Variants in RAP1GAP2 observed in about 807,000 individuals in gnomAD.
RAP1GAP2 encodes rap1 GTPase-activating protein 2.
RAP1GAP2 carries 27 observed loss-of-function variants against 95.0 expected under a neutral mutation model. That is an observed-to-expected ratio of 0.28 (90% CI 0.21 to 0.39). The LOEUF is 0.39. Among genes scored for constraint, RAP1GAP2 ranks in the 10% least tolerant of loss-of-function variants. RAP1GAP2 has a pLI of 1.00. For missense variants in RAP1GAP2, 771 were observed against 970.0 expected, an observed-to-expected ratio of 0.79 and a Z score of 2.72; for synonymous variants, 373 against 380.9, an observed-to-expected ratio of 0.98 and a Z score of 0.24.
rs573327001 is a variant in RAP1GAP2, at chr17:2,763,934, A to C, written c.51-6395A>C. Among the ~76,000 whole-genome samples the C allele has an allele frequency of 3.0e-4, 45 of 151,892 alleles. No homozygotes were observed. In the South Asian group the frequency reaches 6.2e-3, roughly 21 times the overall value. ...TGGGGACCTGTGTGTGCCCGGTGGGATCAAGGACAGCATGATGTGATGTGT... is the reference window on the plus strand; with the variant it reads ...TGGGGACCTGTGTGTGCCCGGTGGGCTCAAGGACAGCATGATGTGATGTGT... On this transcript the variant is annotated intron_variant, in intron 1 of 25. Transcript: ENST00000637138.
intron 3 of RAP1GAP2, among the ~76,000 whole-genome samples, chr17:2,944,161 C>CAAAAAAAAAAAAAAAAAAAAAA (rs36063732): frequency 2.4e-5 from 2 of 81,804 alleles, no homozygotes; most frequent in Non-Finnish European, 2.5e-5. Context: ...ACAGCAAAAC[C>CAAAAAAAAAAAAAAAAAAAAAA]AAAAAAAAAA....
At chr17:2,890,912 C>T (rs1346608093) in intron 2 of RAP1GAP2, among the ~76,000 whole-genome samples, 3 of 152,012 alleles carry the variant, frequency 2.0e-5, no homozygotes, top group African/African-American at 7.2e-5. Flanking sequence ...TCTCGATCTC[C>T]TGACCTCTAG....
chr17:2,781,870 GT>G (rs2068667577), intron 1 of RAP1GAP2, among the ~76,000 whole-genome samples: 1 of 151,642 alleles, frequency 6.6e-6, no homozygotes, highest in East Asian at 1.9e-4. Context: ...GTCTCTGTGT[GT>G]GCACGTCTCT....
At chr17:2,992,992 C>CTT (rs1356738456) in intron 12 of RAP1GAP2, among the ~76,000 whole-genome samples, 5 of 147,994 alleles carry the variant, frequency 3.4e-5, no homozygotes, top group African/African-American at 1.3e-4. Context: ...GGGTGGATCA[C>CTT]GAGGTCAGGA....
chr17:2,954,616 G>A (rs542424017), intron 3 of RAP1GAP2, among the ~76,000 whole-genome samples: 2 of 151,360 alleles, frequency 1.3e-5, no homozygotes, highest in South Asian at 4.2e-4. Context: ...TTTACTGAGA[G>A]GCAGTCTTGC....
At chr17:3,012,605 CAAAAAAAAAAAAA>C (rs71377567) in intron 17 of RAP1GAP2, among the ~76,000 whole-genome samples, 1 of 69,712 alleles carries the variant, frequency 1.4e-5, no homozygotes, top group South Asian at 7.3e-4. Flanking sequence ...GACTGTGTCT[CAAAAAAAAAAAAA>C]AAAAAAAAAA....
At chr17:2,863,635 G>A (rs1434048749) in intron 2 of RAP1GAP2, among the ~76,000 whole-genome samples, 1 of 152,172 alleles carries the variant, frequency 6.6e-6, no homozygotes, top group East Asian at 1.9e-4. Flanking sequence ...GCAGGATCAG[G>A]GCACTGTGAT....
rs547308142 is a variant in RAP1GAP2, at chr17:2,925,531, C to T, written c.165+20163C>T. On this transcript the variant is annotated intron_variant, in intron 3 of 24. Transcript: ENST00000254695. ...AACAGCGTGGGGAAAACCGCTCCCT[C>T]GCTCCACTCGTGGGGATTACAGTTC... 1.9e-3 allele frequency among the ~76,000 whole-genome samples: 295 copies of T among 152,280 alleles called. 1 individual carries two copies. Among genetic ancestry groups the T allele is most frequent in the Middle Eastern group, 0.014 (4 of 294 alleles).
chr17:2,876,030 C>T lies in RAP1GAP2; in HGVS notation c.81-29254C>T, dbSNP rs566456093. Among the ~76,000 whole-genome samples, 946 of 151,950 alleles carry T rather than the reference C, an allele frequency of 6.2e-3. 13 individuals are homozygous for T. Among genetic ancestry groups the T allele is most frequent in the African/African-American group, 0.021 (863 of 41,416 alleles). The stretch of plus-strand genomic sequence containing the variant: ...TCGGCTCACCACAATCTCCGCCCCC[C>T]GGGTTCACGCCATTCTCCTGCCTCA... On this transcript the variant is annotated intron_variant, in intron 2 of 24. Coordinates refer to ENST00000254695, the MANE Select transcript of RAP1GAP2 (RefSeq NM_015085.5).
intron 3 of RAP1GAP2, among the ~76,000 whole-genome samples, chr17:2,922,987 T>TGGAGTA: frequency 6.6e-6 from 1 of 151,430 alleles, no homozygotes; most frequent in Non-Finnish European, 1.5e-5. Flanking sequence ...CCAGCGATTC[T>TGGAGTA]CCTGCCTCAG....
At position 2,825,669 on chromosome 17, in the gene RAP1GAP2, T is replaced by C. The variant is rs954417358; in HGVS notation, c.80+25119T>C. Among the ~76,000 whole-genome samples, 1 of 152,062 alleles carries C rather than the reference T, an allele frequency of 6.6e-6. No homozygotes were observed. The highest frequency in any genetic ancestry group is 1.5e-5 in the Non-Finnish European group (1 of 68,018). ...CTCACAGGGATGTTTGAGGATGAAATGAGCTAACATAGGAAAAGCACTTAG... is the reference window on the plus strand; with the variant it reads ...CTCACAGGGATGTTTGAGGATGAAACGAGCTAACATAGGAAAAGCACTTAG... On this transcript the variant is annotated intron_variant, in intron 2 of 24. Coordinates refer to ENST00000254695, the MANE Select transcript of RAP1GAP2 (RefSeq NM_015085.5). The surrounding 1 kb of genome is among the most constrained non-coding windows in gnomAD (Gnocchi z 4.1).
chr17:2,926,428 TACA>T (rs931853154), intron 3 of RAP1GAP2, among the ~76,000 whole-genome samples: 2 of 152,164 alleles, frequency 1.3e-5, no homozygotes, highest in African/African-American at 4.8e-5. Flanking sequence ...TCAAGGCAGT[TACA>T]ACAATAAAGC....
rs1049019457 is a variant in RAP1GAP2 at position 3,037,534 on chromosome 17, A to G, written c.*4173A>G. ...GGAAGTGATGCTCCATGTGACGACG[A>G]CTTTGCTTTCTTTCCTCTTAGTGAG... On this transcript the variant is annotated 3_prime_UTR_variant, in exon 25 of 25. Coordinates refer to ENST00000254695, the MANE Select transcript of RAP1GAP2 (RefSeq NM_015085.5). 7.2e-5 allele frequency: 11 copies of G among 152,096 alleles called. No individual in the cohort carries two copies. Among genetic ancestry groups the G allele is most frequent in the African/African-American group, 2.4e-4 (10 of 41,280 alleles). The allele number at this position is 152,096 out of a possible 1,614,324, so 9.4% of individuals were successfully genotyped here.
intron 1 of RAP1GAP2, among the ~76,000 whole-genome samples, chr17:2,783,972 T>C (rs569552653): frequency 6.6e-6 from 1 of 152,224 alleles, no homozygotes; most frequent in African/African-American, 2.4e-5. Flanking sequence ...TCACTTTTTA[T>C]TTTATTTGTT....
intron 2 of RAP1GAP2, among the ~76,000 whole-genome samples, chr17:2,864,006 C>T (rs980003077): frequency 2.0e-5 from 3 of 151,864 alleles, no homozygotes; most frequent in African/African-American, 7.3e-5. Context: ...GAGCCGAGAT[C>T]GCGCCACTGC....
At chr17:2,844,180 C>G (rs923740441) in intron 2 of RAP1GAP2, among the ~76,000 whole-genome samples, 1 of 152,038 alleles carries the variant, frequency 6.6e-6, no homozygotes, top group African/African-American at 2.4e-5. Flanking sequence ...GCCACCATGC[C>G]TGGCTAATAT....
intron 2 of RAP1GAP2, among the ~76,000 whole-genome samples, chr17:2,843,291 T>A (rs1021236567): frequency 7.3e-6 from 1 of 136,428 alleles, no homozygotes; most frequent in Admixed American, 7.4e-5. Flanking sequence ...TTAATTTCCC[T>A]TTTTTTTTTT....
chr17:2,924,667 G>A (rs111483906), intron 3 of RAP1GAP2, among the ~76,000 whole-genome samples: 59 of 152,152 alleles, frequency 3.9e-4, no homozygotes, highest in African/African-American at 1.4e-3. Context: ...TTGCTTCCCC[G>A]AGGATCATAC....
At chr17:2,976,363 T>C (rs967238372) in intron 8 of RAP1GAP2, among the ~76,000 whole-genome samples, 2 of 152,236 alleles carry the variant, frequency 1.3e-5, no homozygotes. Context: ...ATTTAGATTG[T>C]GTTCCTTGAA....
Sources: allele counts gnomAD v4.1 joint callset (sites outside exome capture counted in the v4.1 genomes callset), GRCh38; gene constraint gnomAD v4.1.1; non-coding constraint Gnocchi (gnomAD v3.1); transcripts MANE v1.5; gene names NCBI Gene and HGNC (gene_info 2026-07-23, HGNC 2026-07-21).